Variants in NFIA observed in about 807,000 individuals in gnomAD.
The protein encoded by NFIA is nuclear factor 1 A-type.
Under a neutral mutation model 62.8 loss-of-function variants are expected in NFIA, and 8 were observed. The observed-to-expected ratio is 0.13, with a 90% CI of 0.07 to 0.23. The LOEUF is 0.23. Ranked by LOEUF, NFIA falls within the 10% of genes least tolerant of loss-of-function variation. NFIA has a pLI of 1.00. For missense variants in NFIA, 410 were observed against 642.1 expected (o/e 0.64, Z 3.91); for synonymous variants, 235 against 238.1 (o/e 0.99, Z 0.12).
chr1:61,409,303 T>C (rs1665990944), intron 9 of NFIA, among the ~76,000 whole-genome samples: 1 of 152,242 alleles, frequency 6.6e-6, no homozygotes, highest in Non-Finnish European at 1.5e-5. Flanking sequence ...TTTATCATCA[T>C]TCATTTTAGC....
At position 61,406,544 on chromosome 1, in the gene NFIA, C is replaced by CA. The variant is rs753025053; in HGVS notation, c.1255-18_1255-17insA. On this transcript the variant is annotated splice_polypyrimidine_tract_variant and intron_variant, in intron 8 of 10. Transcript: ENST00000403491. ...CTTTTTCTTGTACGTGTGTTTTCTG[C>CA]CCCCCCCCCCCCCACAGCCCAATGG... 7.4e-4 allele frequency: 59 copies of CA among 79,270 alleles called. 1 individual carries two copies. Among genetic ancestry groups the CA allele is most frequent in the Non-Finnish European group, 9.9e-4 (49 of 49,440 alleles). 4.9% of individuals were successfully genotyped at this position (79,270 alleles called of 1,614,324 possible).
At chr1:61,127,893 T>C (rs1387965531) in intron 2 of NFIA, among the ~76,000 whole-genome samples, 1 of 152,132 alleles carries the variant, frequency 6.6e-6, no homozygotes, top group Non-Finnish European at 1.5e-5. Context: ...AGATGTGGTA[T>C]TGAAGAATAT....
chr1:61,225,833 CACAAT>C (rs1480197494), intron 2 of NFIA, among the ~76,000 whole-genome samples: 2 of 152,122 alleles, frequency 1.3e-5, no homozygotes, highest in Non-Finnish European at 1.5e-5. Flanking sequence ...AAAAAACACA[CACAAT>C]ACAACACCAG....
At chr1:61,194,085 TTTGA>T (rs1346387843) in intron 2 of NFIA, among the ~76,000 whole-genome samples, 7 of 152,200 alleles carry the variant, frequency 4.6e-5, no homozygotes, top group African/African-American at 1.7e-4. Context: ...AATTAATTAA[TTTGA>T]TTAACAAGAT....
chr1:61,347,513 C>T (rs1662304405), intron 4 of NFIA, among the ~76,000 whole-genome samples: 1 of 152,106 alleles, frequency 6.6e-6, no homozygotes, highest in African/African-American at 2.4e-5. Flanking sequence ...CATACTTTGT[C>T]TATTGCCAAG....
At chr1:61,202,361 A>G (rs1652562477) in intron 2 of NFIA, among the ~76,000 whole-genome samples, 1 of 152,196 alleles carries the variant, frequency 6.6e-6, no homozygotes, top group South Asian at 2.1e-4. Context: ...TCTTGTATAT[A>G]TAAGATTCAT....
intron 10 of NFIA, among the ~76,000 whole-genome samples, chr1:61,445,086 A>C (rs1249781419): frequency 6.6e-6 from 1 of 152,198 alleles, no homozygotes; most frequent in African/African-American, 2.4e-5. Context: ...AGTCTTCAAT[A>C]ATCTTTGCTT....
At chr1:61,209,234 T>G (rs1653088490) in intron 2 of NFIA, among the ~76,000 whole-genome samples, 1 of 152,112 alleles carries the variant, frequency 6.6e-6, no homozygotes, top group Non-Finnish European at 1.5e-5. Flanking sequence ...TCTATCAGAT[T>G]TATATATTTT....
chr1:61,342,045 T>C lies in NFIA; in HGVS notation c.700+9459T>C, dbSNP rs562346380. Among the ~76,000 whole-genome samples the C allele has an allele frequency of 9.2e-5, 14 of 151,814 alleles. No homozygotes were observed. The South Asian group carries it at 2.9e-3, about 32-fold the overall frequency. The stretch of plus-strand genomic sequence containing the variant: ...CATGTCTAGAATGGGGCCGGTGGAG[T>C]CCACATTCAGCAAAACCACACATAG... On this transcript the variant is annotated intron_variant, in intron 4 of 10. Transcript: ENST00000403491.
chr1:61,179,965 C>CA, intron 2 of NFIA, among the ~76,000 whole-genome samples: 1 of 152,326 alleles, frequency 6.6e-6, no homozygotes, highest in South Asian at 2.1e-4. Flanking sequence ...GACTCTTCCA[C>CA]AGGCGGCTGA....
intron 4 of NFIA, among the ~76,000 whole-genome samples, chr1:61,345,082 A>G (rs773801489): frequency 1.3e-5 from 2 of 150,506 alleles, no homozygotes; most frequent in African/African-American, 2.4e-5. Flanking sequence ...CATTCTACTT[A>G]TGACAGGAAA....
intron 10 of NFIA, among the ~76,000 whole-genome samples, chr1:61,427,851 C>G (rs1434388973): frequency 6.6e-6 from 1 of 152,206 alleles, no homozygotes; most frequent in Non-Finnish European, 1.5e-5. Flanking sequence ...TTCAGTACCT[C>G]TCACAAAATT....
chr1:61,199,941 G>C (rs943672942), intron 2 of NFIA, among the ~76,000 whole-genome samples: 1 of 147,422 alleles, frequency 6.8e-6, no homozygotes. Context: ...GCTGCAGTTA[G>C]CTGAAATTGC....
chr1:61,200,109 C>T (rs1652369684), intron 2 of NFIA, among the ~76,000 whole-genome samples: 1 of 138,674 alleles, frequency 7.2e-6, no homozygotes, highest in Non-Finnish European at 1.5e-5. Context: ...CCTATTGACC[C>T]TTAGTCACCA....
At chr1:61,285,029 G>C (rs1365500921) in intron 3 of NFIA, among the ~76,000 whole-genome samples, 4 of 152,092 alleles carry the variant, frequency 2.6e-5, no homozygotes, top group Admixed American at 2.6e-4. Context: ...AAAATATGAA[G>C]CAATACAATT....
chr1:61,086,067 C>T (rs1646213395), intron 1 of NFIA, among the ~76,000 whole-genome samples: 1 of 152,072 alleles, frequency 6.6e-6, no homozygotes, highest in Non-Finnish European at 1.5e-5. Flanking sequence ...AGATATGAAT[C>T]GTTTGGAGCT....
intron 2 of NFIA, among the ~76,000 whole-genome samples, chr1:61,151,272 C>T (rs1369345756): frequency 2.0e-5 from 3 of 152,048 alleles, no homozygotes; most frequent in Non-Finnish European, 2.9e-5. Flanking sequence ...TCCAGTGGCA[C>T]GATCTCAGCT....
At chr1:61,272,406 A>G (rs1167314517) in intron 2 of NFIA, among the ~76,000 whole-genome samples, 3 of 152,232 alleles carry the variant, frequency 2.0e-5, no homozygotes, top group Non-Finnish European at 4.4e-5. Flanking sequence ...TGCAGCTGTG[A>G]GACTAATAAG....
At chr1:61,212,130 T>C (rs534739040) in intron 2 of NFIA, among the ~76,000 whole-genome samples, 66 of 152,216 alleles carry the variant, frequency 4.3e-4, no homozygotes, top group African/African-American at 1.4e-3. Flanking sequence ...GGTGATAGCA[T>C]AGGGGCCTGC....
Sources: allele counts gnomAD v4.1 joint callset (sites outside exome capture counted in the v4.1 genomes callset), GRCh38; gene constraint gnomAD v4.1.1; transcripts MANE v1.5; gene names NCBI Gene and HGNC (gene_info 2026-07-23, HGNC 2026-07-21).